Variants in CCSER1 observed in about 807,000 individuals in gnomAD.
The protein encoded by CCSER1 is coiled-coil serine rich protein 1.
Under a neutral mutation model 82.0 loss-of-function variants are expected in CCSER1, and 41 were observed. The ratio of observed to expected loss-of-function variants is 0.50; its 90% CI spans 0.39 to 0.65. The LOEUF (loss-of-function observed/expected upper bound fraction) is 0.65, where lower values mean the gene tolerates loss of function less well. Ranked by LOEUF, CCSER1 falls within the 30% of genes least tolerant of loss-of-function variation. CCSER1 has a pLI of 0.00. For missense variants in CCSER1, 1,119 were observed against 1,064.2 expected (o/e 1.05, Z -0.72); for synonymous variants, 414 against 383.9 (o/e 1.08, Z -0.92).
intron 1 of CCSER1, among the ~76,000 whole-genome samples, chr4:90,145,946 A>C (rs1169937854): frequency 2.0e-5 from 3 of 152,012 alleles, no homozygotes; most frequent in African/African-American, 7.2e-5. Context: ...ACAGCTGAAG[A>C]TTTGTTGAAA....
chr4:90,190,768 G>T (rs750631312), intron 1 of CCSER1, among the ~76,000 whole-genome samples: 2 of 152,060 alleles, frequency 1.3e-5, no homozygotes, highest in Non-Finnish European at 2.9e-5. Flanking sequence ...GATTAGGAAG[G>T]AACACTTCTT....
At chr4:90,759,873 T>C (rs920439862) in intron 7 of CCSER1, among the ~76,000 whole-genome samples, 33 of 152,036 alleles carry the variant, frequency 2.2e-4, no homozygotes, top group African/African-American at 7.5e-4. Flanking sequence ...TTCAAAAAAT[T>C]TACAAAATGT....
intron 10 of CCSER1, among the ~76,000 whole-genome samples, chr4:91,411,328 T>A (rs1194339608): frequency 6.6e-6 from 1 of 151,058 alleles, no homozygotes; most frequent in Non-Finnish European, 1.5e-5. Flanking sequence ...TTGATAAGAA[T>A]TTAGTGTCCT....
chr4:90,344,121 A>G (rs1307012882), intron 3 of CCSER1, among the ~76,000 whole-genome samples: 1 of 152,158 alleles, frequency 6.6e-6, no homozygotes, highest in African/African-American at 2.4e-5. Flanking sequence ...GATCCCATAA[A>G]TAAGTGAGAA....
intron 8 of CCSER1, among the ~76,000 whole-genome samples, chr4:90,920,129 A>C (rs774400413): frequency 1.3e-5 from 2 of 151,892 alleles, no homozygotes; most frequent in Non-Finnish European, 2.9e-5. Flanking sequence ...CTTAAATCAC[A>C]TGGTGTAAAT....
chr4:90,620,077 A>G (rs1722033400), intron 5 of CCSER1, among the ~76,000 whole-genome samples: 1 of 152,170 alleles, frequency 6.6e-6, no homozygotes. Flanking sequence ...CAAAGTTAAA[A>G]ATAAGCACCA....
chr4:90,396,622 A>T (rs1751997628), intron 3 of CCSER1, among the ~76,000 whole-genome samples: 1 of 152,104 alleles, frequency 6.6e-6, no homozygotes, highest in Non-Finnish European at 1.5e-5. Context: ...TATTCTATTT[A>T]GTCATACTGA....
intron 6 of CCSER1, among the ~76,000 whole-genome samples, chr4:90,650,917 T>C (rs1476421083): frequency 6.6e-6 from 1 of 152,228 alleles, no homozygotes; most frequent in African/African-American, 2.4e-5. Context: ...TATTGCAAAA[T>C]GTTTAAGAAC....
intron 9 of CCSER1, among the ~76,000 whole-genome samples, chr4:91,053,814 A>G (rs1180010396): frequency 6.6e-6 from 1 of 152,136 alleles, no homozygotes; most frequent in African/African-American, 2.4e-5. Flanking sequence ...ATAAATTTTT[A>G]TGCATTTACA....
chr4:90,174,027 A>G (rs531956612), intron 1 of CCSER1, among the ~76,000 whole-genome samples: 1 of 152,026 alleles, frequency 6.6e-6, no homozygotes, highest in Non-Finnish European at 1.5e-5. Flanking sequence ...ATCTACCTAC[A>G]TGATTAAACT....
At chr4:90,144,689 T>G (rs914986288) in intron 1 of CCSER1, among the ~76,000 whole-genome samples, 3 of 152,186 alleles carry the variant, frequency 2.0e-5, no homozygotes, top group African/African-American at 7.2e-5. Flanking sequence ...TACAGTATAA[T>G]AATCAAATAG....
At chr4:91,068,438 G>A (rs1156914801) in intron 9 of CCSER1, among the ~76,000 whole-genome samples, 1 of 152,076 alleles carries the variant, frequency 6.6e-6, no homozygotes, top group Non-Finnish European at 1.5e-5. Flanking sequence ...ATGTTTTGCT[G>A]TTCCTAGAAA....
intron 1 of CCSER1, among the ~76,000 whole-genome samples, chr4:90,238,142 A>AG (rs1221835707): frequency 6.6e-6 from 1 of 152,220 alleles, no homozygotes; most frequent in African/African-American, 2.4e-5. Flanking sequence ...TTTGTAAAAA[A>AG]ATGATTACTG....
At chr4:90,433,242 AT>A (rs1373709609) in intron 4 of CCSER1, among the ~76,000 whole-genome samples, 1 of 152,060 alleles carries the variant, frequency 6.6e-6, no homozygotes, top group East Asian at 1.9e-4. Flanking sequence ...CTCAACAACT[AT>A]TAAGTCTATT....
intron 5 of CCSER1, among the ~76,000 whole-genome samples, chr4:90,593,278 G>C (rs551203429): frequency 6.6e-6 from 1 of 152,224 alleles, no homozygotes; most frequent in South Asian, 2.1e-4. Context: ...AATGCCACCA[G>C]TTAAATCATA....
At chr4:91,220,229 T>C (rs889764443) in intron 10 of CCSER1, among the ~76,000 whole-genome samples, 11 of 152,226 alleles carry the variant, frequency 7.2e-5, no homozygotes, top group African/African-American at 2.2e-4. Context: ...AACTACTGTC[T>C]TTTTAAATGT....
At chr4:90,271,303 T>C (rs1201880675) in intron 1 of CCSER1, among the ~76,000 whole-genome samples, 1 of 152,218 alleles carries the variant, frequency 6.6e-6, no homozygotes, top group African/African-American at 2.4e-5. Context: ...TATAGATCAA[T>C]GGAGCATAAT....
At chr4:90,970,193 G>A (rs1434394932) in intron 9 of CCSER1, among the ~76,000 whole-genome samples, 1 of 151,864 alleles carries the variant, frequency 6.6e-6, no homozygotes, top group Non-Finnish European at 1.5e-5. Context: ...ATCAAACAGT[G>A]TGCTTCCTAC....
intron 9 of CCSER1, among the ~76,000 whole-genome samples, chr4:90,982,275 T>A (rs917311852): frequency 6.6e-6 from 1 of 151,706 alleles, no homozygotes; most frequent in African/African-American, 2.4e-5. Flanking sequence ...GACATCTTCC[T>A]CTTCTTTGAA....
Sources: gnomAD v4.1 joint callset for allele counts (sites outside exome capture counted in the v4.1 genomes callset) on GRCh38, gnomAD v4.1.1 for gene constraint, MANE v1.5 for transcripts, NCBI Gene and HGNC (gene_info 2026-07-23, HGNC 2026-07-21) for gene names.